Variants in SDK2 observed in about 807,000 individuals in gnomAD.
SDK2 encodes the protein protein sidekick-2.
Under a neutral mutation model 253.9 loss-of-function variants are expected in SDK2, and 105 were observed. The ratio of observed to expected loss-of-function variants is 0.41; its 90% CI spans 0.35 to 0.49. SDK2 has a LOEUF of 0.49. Ranked by LOEUF, SDK2 falls within the 20% of genes least tolerant of loss-of-function variation. The pLI is 0.06. For synonymous variants in SDK2, 1,249 were observed against 1,234.9 expected (o/e 1.01, Z -0.24); for missense variants, 2,608 against 3,003.0 (o/e 0.87, Z 3.07).
chr17:73,468,529 T>G (rs1037644677), intron 3 of SDK2, among the ~76,000 whole-genome samples: 1 of 152,134 alleles, frequency 6.6e-6, no homozygotes, highest in Non-Finnish European at 1.5e-5. Context: ...TATTTATTTT[T>G]GAGATGGAGT....
chr17:73,551,646 C>T (rs2045061303), intron 1 of SDK2, among the ~76,000 whole-genome samples: 1 of 152,174 alleles, frequency 6.6e-6, no homozygotes, highest in Admixed American at 6.5e-5. Context: ...CCTTCCTTAA[C>T]ATGGATTAAA....
Position 73,570,173 on chromosome 17 carries a change from G to A in SDK2, c.65-62576C>T, listed in dbSNP as rs567419518. ...CTGCTGAGCTTGGTGGACACAGGGC[G>A]ACCACCCCAGGGGCCCAGCCTTGCT... is the stretch of plus-strand genomic sequence containing the variant. On this transcript the variant is annotated intron_variant, in intron 1 of 44. Coordinates refer to ENST00000392650, the MANE Select transcript of SDK2 (RefSeq NM_001144952.2). The surrounding 1 kb of genome is among the most constrained non-coding windows in gnomAD (Gnocchi z 4.2). 2.5e-4 allele frequency among the ~76,000 whole-genome samples: 38 copies of A among 152,138 alleles called. No homozygotes were observed. The highest frequency in any genetic ancestry group is 8.4e-4 in the African/African-American group (35 of 41,508).
intron 40 of SDK2, among the ~76,000 whole-genome samples, chr17:73,355,082 G>T (rs980311089): frequency 1.3e-5 from 2 of 148,714 alleles, no homozygotes; most frequent in Middle Eastern, 3.4e-3. Flanking sequence ...AGCTGTCCTT[G>T]CAGAAGGCTC....
At chr17:73,557,847 C>T (rs150357674) in intron 1 of SDK2, among the ~76,000 whole-genome samples, 3,008 of 152,236 alleles carry the variant, frequency 0.02, 69 homozygotes, top group Non-Finnish European at 0.025. Flanking sequence ...ATTTCCTGCC[C>T]TCAGTAAGGT....
intron 14 of SDK2, 47 bp downstream of exon 14, chr17:73,423,339 G>T: frequency 1.5e-6 from 2 of 1,364,830 alleles, no homozygotes; most frequent in Non-Finnish European, 1.9e-6. Flanking sequence ...TGACTCCTAA[G>T]TCCAAGCTTG....
At chr17:73,340,989 C>G (rs1341193388) in intron 44 of SDK2, among the ~76,000 whole-genome samples, 3 of 150,932 alleles carry the variant, frequency 2.0e-5, no homozygotes, top group African/African-American at 7.3e-5. Context: ...GGTGATCTGC[C>G]CACCTCGGCG....
Position 73,401,080 on chromosome 17 carries a change from T to G in SDK2, c.2911A>C (p.Met971Leu). 6.4e-7 allele frequency: 1 copy of G among 1,572,956 alleles called. No homozygotes were observed. The highest frequency in any genetic ancestry group is 8.6e-7 in the Non-Finnish European group (1 of 1,159,174). Residue 971 changes from methionine to leucine, a missense_variant, in exon 21 of 45, where the codon ATG (methionine) becomes CTG (leucine). Coordinates refer to ENST00000392650, the MANE Select transcript of SDK2 (RefSeq NM_001144952.2). ...ACTTGGCCCTGGCCCTTTGAGGTCATGGCGGCCACCTCGATGGTGTAGGTG... is the reference window on the plus strand; with the variant it reads ...ACTTGGCCCTGGCCCTTTGAGGTCAGGGCGGCCACCTCGATGGTGTAGGTG... ...LTTYTIEVAA[M>L]TSKGQGQVSA...
At chr17:73,437,712 C>T (rs771847621) in intron 8 of SDK2, 27 bp downstream of exon 8, 16 of 1,584,182 alleles carry the variant, frequency 1.0e-5, no homozygotes, top group Non-Finnish European at 1.4e-5. Context: ...GGGTCTTTGT[C>T]CCCCTCCAGC....
At chr17:73,355,159 C>CATATATATATGTATATAT (rs1355689208) in intron 40 of SDK2, among the ~76,000 whole-genome samples, 4 of 48,626 alleles carry the variant, frequency 8.2e-5, no homozygotes, top group South Asian at 3.0e-3. Flanking sequence ...CCTACACCTC[C>CATATATATATGTATATAT]ATATATATAT....
chr17:73,383,759 G>T lies in SDK2; in HGVS notation c.4705+117C>A, dbSNP rs553201938. On this transcript the variant is annotated intron_variant, in intron 33 of 44. Coordinates refer to ENST00000392650, the MANE Select transcript of SDK2 (RefSeq NM_001144952.2). This position sits in a 1 kb window ranked among gnomAD's most constrained non-coding sequence, Gnocchi z 4.3. ...GGGAGGAGGGAGAGGCACACATGGA[G>T]GAGGGAGGCAAGGTTTCAGGTTAGA... The T allele has an allele frequency of 1.6e-6, 2 of 1,250,806 alleles. No homozygotes were observed. Among genetic ancestry groups the T allele is most frequent in the East Asian group, 2.4e-5 (1 of 42,000 alleles). 77.5% of individuals were successfully genotyped at this position (1,250,806 alleles called of 1,614,324 possible).
intron 2 of SDK2, among the ~76,000 whole-genome samples, chr17:73,500,500 C>T (rs1345524791): frequency 6.7e-6 from 1 of 148,690 alleles, no homozygotes; most frequent in African/African-American, 2.5e-5. Flanking sequence ...ATCCTTTGTC[C>T]ATCTTCCTTC....
At chr17:73,347,116 C>T (rs779667050) in intron 44 of SDK2, among the ~76,000 whole-genome samples, 1 of 152,170 alleles carries the variant, frequency 6.6e-6, no homozygotes, top group Non-Finnish European at 1.5e-5. Flanking sequence ...AATCCCAGCA[C>T]TTTGGGAGGC....
Position 73,395,292 on chromosome 17 carries a change from A to G in SDK2, c.3455T>C (p.Val1152Ala). The G allele has an allele frequency of 6.2e-7, 1 of 1,613,934 alleles. No individual in the cohort carries two copies. Among genetic ancestry groups the G allele is most frequent in the South Asian group, 1.1e-5 (1 of 91,080 alleles). The change falls in exon 25 of 45, where the codon GTG becomes GCG. Residue 1152 changes from valine (V) to alanine (A), a missense_variant. Val to Ala is a moderately conservative substitution (Grantham distance 64). Coordinates refer to ENST00000392650, the MANE Select transcript of SDK2 (RefSeq NM_001144952.2). This position sits in a 1 kb window ranked among gnomAD's most constrained non-coding sequence, Gnocchi z 4.3. ...DGHGKTLSHV[V>A]QDRVERDYTI... ...GTAGTCCCGCTCCACACGGTCCTGCACCACGTGGCTCAGCGTCTTGCCATG... is the reference window on the plus strand; with the variant it reads ...GTAGTCCCGCTCCACACGGTCCTGCGCCACGTGGCTCAGCGTCTTGCCATG...
Position 73,455,202 on chromosome 17 carries a change from AGAG to A in SDK2, c.479+701_479+703del. Among the ~76,000 whole-genome samples, 2 of 152,072 alleles carry A rather than the reference AGAG, an allele frequency of 1.3e-5. No individual in the cohort carries two copies. Among genetic ancestry groups the A allele is most frequent in the East Asian group, 3.9e-4 (2 of 5,164 alleles). ...AAGCAGGGGAGAGCTGGAGTTGGAA[AGAG>A]GAGAGCCCCAGCTGCCTCCAGACCC... On this transcript the variant is annotated intron_variant, in intron 4 of 44. Transcript: ENST00000392650. This position sits in a 1 kb window ranked among gnomAD's most constrained non-coding sequence, Gnocchi z 5.0.
chr17:73,340,507 A>G lies in SDK2; in HGVS notation c.6166-1567T>C, dbSNP rs185504261. Among the ~76,000 whole-genome samples, 8 of 152,192 alleles carry G rather than the reference A, an allele frequency of 5.3e-5. No individual in the cohort carries two copies. The East Asian group carries it at 1.4e-3, about 26-fold the overall frequency. ...TCTCTGACACAGTGTCATGTTTTTGAGGTTCAACCACAACCTACTAAGTTA... is the reference window on the plus strand; with the variant it reads ...TCTCTGACACAGTGTCATGTTTTTGGGGTTCAACCACAACCTACTAAGTTA... On this transcript the variant is annotated intron_variant, in intron 44 of 44. Transcript: ENST00000392650.
At chr17:73,530,200 G>C (rs1407220737) in intron 1 of SDK2, among the ~76,000 whole-genome samples, 1 of 152,144 alleles carries the variant, frequency 6.6e-6, no homozygotes, top group East Asian at 1.9e-4. Flanking sequence ...TAAAGATACT[G>C]CCTGAGACTG....
intron 2 of SDK2, among the ~76,000 whole-genome samples, chr17:73,506,752 G>A (rs546153492): frequency 3.3e-5 from 5 of 152,348 alleles, no homozygotes; most frequent in African/African-American, 1.2e-4. Flanking sequence ...CTGTGGCTGC[G>A]AGGAAAGGCT....
At chr17:73,626,154 T>C (rs2046197912) in intron 1 of SDK2, among the ~76,000 whole-genome samples, 1 of 152,112 alleles carries the variant, frequency 6.6e-6, no homozygotes, top group Admixed American at 6.5e-5. Flanking sequence ...AAAAGAAAAC[T>C]TCAGGAGAGG....
At position 73,567,122 on chromosome 17, in the gene SDK2, T is replaced by C. The variant is rs1016410379; in HGVS notation, c.65-59525A>G. ...ATGACAGGCCCAGAGGCCTAAAAAA[T>C]GGTTTTAGGGGCCAGGCCTGGATCC... On this transcript the variant is annotated intron_variant, in intron 1 of 44. Transcript: ENST00000392650. 2.0e-5 allele frequency among the ~76,000 whole-genome samples: 3 copies of C among 152,054 alleles called. No individual in the cohort carries two copies. The East Asian group carries it at 5.8e-4, about 29-fold the overall frequency.
Sources: allele counts gnomAD v4.1 joint callset (sites outside exome capture counted in the v4.1 genomes callset), GRCh38; gene constraint gnomAD v4.1.1; non-coding constraint Gnocchi (gnomAD v3.1); transcripts MANE v1.5; gene names NCBI Gene and HGNC (gene_info 2026-07-23, HGNC 2026-07-21).